The following PPP6R2 variants were observed in gnomAD, a reference collection of about 807,000 sequenced individuals.
PPP6R2 encodes protein phosphatase 6 regulatory subunit 2.
In PPP6R2, 62 loss-of-function variants were observed where a neutral mutation model predicts 100.2. That is an observed-to-expected ratio of 0.62 (90% CI 0.50 to 0.76). PPP6R2 has a LOEUF of 0.76. PPP6R2 is among the 30% of genes least tolerant of loss of function. The probability of loss-of-function intolerance (pLI) is 0.00; values close to 1 mark genes in which losing one functional copy is unlikely to be tolerated. For missense variants in PPP6R2, 1,142 were observed against 1,276.3 expected, an observed-to-expected ratio of 0.89 and a Z score of 1.60; for synonymous variants, 525 against 514.7, an observed-to-expected ratio of 1.02 and a Z score of -0.27.
chr22:50,331,185 T>C, the PPP6R2 span, among the ~76,000 whole-genome samples: 1 of 152,176 alleles, frequency 6.6e-6, no homozygotes, highest in Non-Finnish European at 1.5e-5. Context: ...TTTTATATGA[T>C]GTTTTCGTGT....
At chr22:50,375,688 A>G (rs528218929) in intron 2 of PPP6R2, among the ~76,000 whole-genome samples, 2 of 152,230 alleles carry the variant, frequency 1.3e-5, no homozygotes, top group South Asian at 4.1e-4. Flanking sequence ...GAGGATTTTT[A>G]GCCCAGTTAC....
rs540960748 is a variant in PPP6R2 at position 50,423,882 on chromosome 22, G to A, written c.1125+268G>A. On this transcript the variant is annotated intron_variant, in intron 10 of 23. Coordinates refer to ENST00000612753, the MANE Select transcript of PPP6R2 (RefSeq NM_001242898.2). This position sits in a 1 kb window ranked among gnomAD's most constrained non-coding sequence, Gnocchi z 4.8. ...AGAAGGCGGATTTCTAACCCGGTTT[G>A]ATGGAATAGAGTGACACGTCTACCT... Among the ~76,000 whole-genome samples, 1 of 152,364 alleles carries A rather than the reference G, an allele frequency of 6.6e-6. No individual in the cohort carries two copies. Among genetic ancestry groups the A allele is most frequent in the East Asian group, 1.9e-4 (1 of 5,192 alleles).
At position 50,444,450 on chromosome 22, in the gene PPP6R2, C is replaced by A; in HGVS notation, c.*203C>A. 4.7e-6 allele frequency: 3 copies of A among 632,678 alleles called. No individual in the cohort carries two copies. The South Asian group carries it at 6.1e-5, about 13-fold the overall frequency. The allele number at this position is 632,678 out of a possible 1,614,324, so 39.2% of individuals were successfully genotyped here. On this transcript the variant is annotated 3_prime_UTR_variant, in exon 24 of 24. Transcript: ENST00000612753. ...AGTGGGCCTCTCAGGTCACTCGTGCCCTGCTGGAGGACAGAGGGGCACCTC... is the reference window on the plus strand; with the variant it reads ...AGTGGGCCTCTCAGGTCACTCGTGCACTGCTGGAGGACAGAGGGGCACCTC...
intron 18 of PPP6R2, 100 bp from the exon 19 acceptor site, chr22:50,438,499 T>G: frequency 6.8e-7 from 1 of 1,473,908 alleles, no homozygotes; most frequent in Non-Finnish European, 9.3e-7. Flanking sequence ...CTCGAGACGA[T>G]CTGTGCTCAC....
intron 1 of PPP6R2, among the ~76,000 whole-genome samples, chr22:50,358,132 C>A (rs1463975291): frequency 1.3e-5 from 2 of 151,276 alleles, no homozygotes; most frequent in Non-Finnish European, 2.9e-5. Context: ...AAAAAAAATT[C>A]TTGGTAGAGA....
chr22:50,431,207 T>G lies in PPP6R2; in HGVS notation c.1160T>G (p.Leu387Trp). The G allele has an allele frequency of 1.2e-6, 2 of 1,613,690 alleles. No homozygotes were observed. The highest frequency in any genetic ancestry group is 1.7e-6 in the Non-Finnish European group (2 of 1,179,714). The part of the protein sequence containing the change: ...LFFKYTWNNF[L>W]HFQVELCIAA... The stretch of plus-strand genomic sequence containing the variant: ...TTTAAGTACACCTGGAATAACTTTT[T>G]GCACTTCCAAGTGGAACTATGCATA... The change falls in exon 11 of 24, where the codon TTG becomes TGG. Residue 387 changes from leucine (L) to tryptophan (W), a missense_variant. Transcript: ENST00000612753. The surrounding 1 kb of genome is among the most constrained non-coding windows in gnomAD (Gnocchi z 4.8).
At chr22:50,411,915 G>A (rs973177115) in intron 4 of PPP6R2, among the ~76,000 whole-genome samples, 5 of 151,478 alleles carry the variant, frequency 3.3e-5, no homozygotes, top group Admixed American at 2.0e-4. Context: ...CGTAGTGATG[G>A]GTGCCTGTAG....
chr22:50,381,812 A>G (rs1569345885), intron 2 of PPP6R2, among the ~76,000 whole-genome samples: 1 of 151,872 alleles, frequency 6.6e-6, no homozygotes, highest in East Asian at 1.9e-4. Context: ...GGAGGCTGAG[A>G]CAGGAGAATG....
chr22:50,427,708 A>G (rs900407911), intron 10 of PPP6R2, among the ~76,000 whole-genome samples: 3 of 146,990 alleles, frequency 2.0e-5, no homozygotes, highest in African/African-American at 7.6e-5. Context: ...GCCCGCCACC[A>G]CAAAATAATT....
chr22:50,401,750 C>T (rs1199849085), intron 3 of PPP6R2, among the ~76,000 whole-genome samples: 1 of 151,896 alleles, frequency 6.6e-6, no homozygotes, highest in Non-Finnish European at 1.5e-5. Flanking sequence ...TCACGCCATT[C>T]TCCTGCCTCA....
chr22:50,394,108 T>A lies in PPP6R2; in HGVS notation c.200T>A (p.Leu67Gln), dbSNP rs937499558. 1.9e-6 allele frequency: 3 copies of A among 1,614,078 alleles called. No homozygotes were observed. The African/African-American group carries it at 4.0e-5, about 22-fold the overall frequency. Reference sequence around the variant, plus strand: ...AGCCTCATCACACAGGATCCGCCCCTGGACATGGAGGAGAAGGTCCGCTTC... The same window carrying A: ...AGCCTCATCACACAGGATCCGCCCCAGGACATGGAGGAGAAGGTCCGCTTC... ...LVSLITQDPP[L>Q]DMEEKVRFKY... Residue 67 changes from leucine (L) to glutamine (Q), a missense_variant, in exon 3 of 24, where the codon CTG becomes CAG. Around this residue, in one of 2 missense-constraint regions of PPP6R2, gnomAD observed 592 missense variants for 758.9 expected, o/e 0.78. Coordinates refer to ENST00000612753, the MANE Select transcript of PPP6R2 (RefSeq NM_001242898.2).
upstream of PPP6R2, among the ~76,000 whole-genome samples, chr22:50,340,372 ATGTGGTG>A (rs2042358718): frequency 2.9e-5 from 1 of 34,404 alleles, no homozygotes; most frequent in African/African-American, 1.1e-4. Flanking sequence ...AGTGTGTGGT[ATGTGGTG>A]TGTATGGTAT....
chr22:50,415,202 C>T (rs887764625), intron 5 of PPP6R2, among the ~76,000 whole-genome samples: 2 of 152,192 alleles, frequency 1.3e-5, no homozygotes, highest in Non-Finnish European at 2.9e-5. Flanking sequence ...CCAGATAAGC[C>T]CAGGAAATCC....
chr22:50,419,227 G>T, intron 7 of PPP6R2, 122 bp from the exon 8 acceptor site: 1 of 894,526 alleles, frequency 1.1e-6, no homozygotes. Flanking sequence ...CTGGCGCCTT[G>T]CCTTGAGCCT....
Position 50,437,870 on chromosome 22 carries a change from C to T in PPP6R2, c.1809C>T (p.Ile603=). The change falls in exon 17 of 24, where the codon ATC becomes ATT. Residue 603 remains isoleucine (I), a synonymous_variant. Coordinates refer to ENST00000612753, the MANE Select transcript of PPP6R2 (RefSeq NM_001242898.2). Reference sequence around the variant, plus strand: ...CCCCGTTTGACAGGATCGCAGAGATCAACTTCAACATCGACGCTGACGAGG... The same window carrying T: ...CCCCGTTTGACAGGATCGCAGAGATTAACTTCAACATCGACGCTGACGAGG... ...INAPFDRIAE[I]NFNIDADEDS... is the part of the protein sequence containing the mutation. The T allele has an allele frequency of 1.3e-6, 2 of 1,554,372 alleles. No individual in the cohort carries two copies. The highest frequency in any genetic ancestry group is 1.7e-6 in the Non-Finnish European group (2 of 1,148,690).
chr22:50,353,817 CTTT>C (rs111868603), intron 1 of PPP6R2, among the ~76,000 whole-genome samples: 4 of 137,358 alleles, frequency 2.9e-5, no homozygotes, highest in African/African-American at 5.4e-5. Flanking sequence ...AAGCCTCTCC[CTTT>C]TTTTTTTTTT....
At chr22:50,372,643 C>T (rs970022704) in intron 2 of PPP6R2, among the ~76,000 whole-genome samples, 3 of 152,088 alleles carry the variant, frequency 2.0e-5, no homozygotes, top group Non-Finnish European at 4.4e-5. Context: ...TTGAGATGCT[C>T]TGCATGTTTT....
Position 50,425,348 on chromosome 22 carries a change from T to C in PPP6R2, c.1125+1734T>C, listed in dbSNP as rs539653848. Among the ~76,000 whole-genome samples the C allele has an allele frequency of 4.1e-4, 63 of 152,372 alleles. 1 individual carries two copies. The highest frequency in any genetic ancestry group is 1.3e-3 in the African/African-American group (54 of 41,588). ...TCCAAATTTCCTTCCTTTTTAAGGC[T>C]GAAAAATTACTGTGTGGGTGGGCCA... On this transcript the variant is annotated intron_variant, in intron 10 of 23. Coordinates refer to ENST00000612753, the MANE Select transcript of PPP6R2 (RefSeq NM_001242898.2).
the PPP6R2 span, among the ~76,000 whole-genome samples, chr22:50,335,346 A>T: frequency 4.0e-5 from 6 of 150,090 alleles, no homozygotes; most frequent in African/African-American, 1.5e-4. Context: ...TACAGGTGTG[A>T]GCCACCGCGC....
Sources: allele counts gnomAD v4.1 joint callset (sites outside exome capture counted in the v4.1 genomes callset), GRCh38; gene constraint gnomAD v4.1.1; regional missense constraint gnomAD v4.1.1; non-coding constraint Gnocchi (gnomAD v3.1); transcripts MANE v1.5; gene names NCBI Gene and HGNC (gene_info 2026-07-23, HGNC 2026-07-21).